NPIPB11: variants seen among roughly 807,000 people sequenced by gnomAD.
NPIPB11 encodes nuclear pore complex-interacting protein family member B11.
A neutral mutation model predicts 32.8 loss-of-function variants in NPIPB11; 17 were observed. The ratio of observed to expected loss-of-function variants is 0.52; its 90% confidence interval spans 0.35 to 0.78. The LOEUF (loss-of-function observed/expected upper bound fraction) is 0.78, where lower values mean the gene tolerates loss of function less well. NPIPB11 is among the 30% of genes least tolerant of loss of function. NPIPB11 has a pLI of 0.01. For synonymous variants in NPIPB11, 209 were observed against 398.4 expected, an observed-to-expected ratio of 0.52 and a Z score of 5.66; for missense variants, 537 against 1,000.4, an observed-to-expected ratio of 0.54 and a Z score of 6.25.
intron 3 of NPIPB11, 129 bp downstream of exon 3, chr16:29,393,819 A>AAG (rs1744083899): frequency 8.1e-7 from 1 of 1,233,756 alleles, no homozygotes; most frequent in Admixed American, 2.9e-5. Context: ...TTATGCTAAT[A>AAG]AATCATTTCC....
intron 3 of NPIPB11, among the ~76,000 whole-genome samples, chr16:29,392,039 T>C (rs1390741186): frequency 6.6e-6 from 1 of 152,000 alleles, no homozygotes; most frequent in Non-Finnish European, 1.5e-5. Flanking sequence ...TCTTTCAAAT[T>C]CTTTGTAGAA....
At chr16:29,406,193 T>C (rs1183472212), upstream of NPIPB11, among the ~76,000 whole-genome samples, 2 of 152,264 alleles carry the variant, frequency 1.3e-5, no homozygotes, top group Non-Finnish European at 1.5e-5. Flanking sequence ...TGTAGAGGTA[T>C]TAAGTGATTC....
chr16:29,398,568 A>AAC (rs1429525646), intron 2 of NPIPB11, among the ~76,000 whole-genome samples: 3 of 151,580 alleles, frequency 2.0e-5, no homozygotes, highest in Non-Finnish European at 4.4e-5. Context: ...AACCTGACTT[A>AAC]TTTTGTTCCA....
chr16:29,395,861 C>T (rs971799510), intron 2 of NPIPB11, among the ~76,000 whole-genome samples: 88 of 151,228 alleles, frequency 5.8e-4, no homozygotes, highest in Admixed American at 3.0e-3. Context: ...GCCTATAGTT[C>T]CAGCTACTTG....
chr16:29,405,206 C>G (rs976553108), upstream of NPIPB11, among the ~76,000 whole-genome samples: 4 of 151,912 alleles, frequency 2.6e-5, no homozygotes, highest in South Asian at 8.3e-4. Context: ...AGGAAAAAAC[C>G]CTCAATTTCC....
At position 29,401,122 on chromosome 16, in the gene NPIPB11, G is replaced by A. The variant is rs1388291886; in HGVS notation, c.120+2561C>T. Among the ~76,000 whole-genome samples, 86 of 152,098 alleles carry A rather than the reference G, an allele frequency of 5.7e-4. 1 individual carries two copies. The highest frequency in any genetic ancestry group is 3.9e-4 in the East Asian group (2 of 5,182). ...GTTTAGCACAATACATGCACGACAC[G>A]GGGGCACTGTCAGTGTGGGAGCAAT... On this transcript the variant is annotated intron_variant, in intron 2 of 7. Transcript: ENST00000524087.
chr16:29,394,078 T>C lies in NPIPB11; in HGVS notation c.121-2A>G. ...ATGGTCAGCCAGAGTATTGATAACCTGGAATAATAATAGTTGAAATAATGA... is the reference window on the plus strand; with the variant it reads ...ATGGTCAGCCAGAGTATTGATAACCCGGAATAATAATAGTTGAAATAATGA... On this transcript the variant is annotated splice_acceptor_variant, in intron 2 of 7. Transcript: ENST00000524087. LOFTEE classifies it high-confidence loss of function. The C allele has an allele frequency of 5.6e-6, 9 of 1,595,574 alleles. No individual in the cohort carries two copies. Among genetic ancestry groups the C allele is most frequent in the Non-Finnish European group, 7.6e-6 (9 of 1,178,484 alleles).
upstream of NPIPB11, among the ~76,000 whole-genome samples, chr16:29,405,707 C>G (rs1382792447): frequency 5.3e-5 from 8 of 152,116 alleles, no homozygotes; most frequent in Non-Finnish European, 1.0e-4. Flanking sequence ...AATTTTAACA[C>G]AGTCAATGAA....
chr16:29,398,898 C>G (rs369643411), intron 2 of NPIPB11, among the ~76,000 whole-genome samples: 1 of 151,868 alleles, frequency 6.6e-6, no homozygotes, highest in Non-Finnish European at 1.5e-5. Flanking sequence ...TGATGATGTC[C>G]TTATCTATAA....
exon 8 of NPIPB11, chr16:29,383,174 A>G: frequency 6.3e-7 from 1 of 1,590,594 alleles, no homozygotes; most frequent in Non-Finnish European, 8.5e-7. Flanking sequence ...GGAACTGCAG[A>G]TGCTCGGCAG....
exon 8 of NPIPB11, chr16:29,383,199 T>C (rs760258852): frequency 1.3e-5 from 21 of 1,567,244 alleles, no homozygotes; most frequent in African/African-American, 2.8e-5. Context: ...CTTGATATTA[T>C]CATCTGCTGA....
intron 2 of NPIPB11, among the ~76,000 whole-genome samples, chr16:29,402,720 C>CTGTG (rs1262374948): frequency 4.3e-4 from 50 of 117,122 alleles, no homozygotes; most frequent in East Asian, 2.7e-3. Flanking sequence ...CTCTCTCTCT[C>CTGTG]TCTCTGTGTG....
chr16:29,392,626 C>G (rs199879216), intron 3 of NPIPB11, among the ~76,000 whole-genome samples: 1 of 151,454 alleles, frequency 6.6e-6, no homozygotes, highest in Admixed American at 6.6e-5. Context: ...AGGGGAATCG[C>G]TTGAAGCCAG....
chr16:29,401,321 C>G (rs1309555971), intron 2 of NPIPB11, among the ~76,000 whole-genome samples: 1 of 152,158 alleles, frequency 6.6e-6, no homozygotes, highest in Non-Finnish European at 1.5e-5. Context: ...ATCCTCAAAA[C>G]TATCATCTGG....
intron 2 of NPIPB11, among the ~76,000 whole-genome samples, chr16:29,399,951 C>A (rs1263312951): frequency 6.6e-6 from 1 of 151,546 alleles, no homozygotes; most frequent in Non-Finnish European, 1.5e-5. Flanking sequence ...GTGGCACCCG[C>A]CTGTAATCCC....
intron 2 of NPIPB11, among the ~76,000 whole-genome samples, chr16:29,399,269 A>G (rs1028222412): frequency 1.3e-5 from 2 of 151,864 alleles, no homozygotes; most frequent in Non-Finnish European, 2.9e-5. Context: ...GGCAGCTGAA[A>G]ACCACTGCTT....
chr16:29,401,769 T>C (rs1466833231), intron 2 of NPIPB11, among the ~76,000 whole-genome samples: 4 of 152,090 alleles, frequency 2.6e-5, no homozygotes, highest in Non-Finnish European at 5.9e-5. Context: ...CTTCATCTCT[T>C]AGAGCAGCTG....
chr16:29,393,385 T>C (rs1258674904), intron 3 of NPIPB11, among the ~76,000 whole-genome samples: 1 of 151,668 alleles, frequency 6.6e-6, no homozygotes, highest in Non-Finnish European at 1.5e-5. Flanking sequence ...CCCCTAAAAA[T>C]CATTTGCTGC....
At chr16:29,394,056 G>T in exon 3 of NPIPB11, 1 of 1,599,016 alleles carries the variant, frequency 6.3e-7, no homozygotes, top group Non-Finnish European at 8.5e-7. Context: ...GATGATGATG[G>T]TCAGCCAGAG....
Sources: allele counts gnomAD v4.1 joint callset (sites outside exome capture counted in the v4.1 genomes callset), GRCh38; gene constraint gnomAD v4.1.1; transcripts MANE v1.5; gene names NCBI Gene and HGNC (gene_info 2026-07-23, HGNC 2026-07-21).